Variants in TECTA observed in about 807,000 individuals in gnomAD.
The protein encoded by TECTA is tectorin alpha.
Under a neutral mutation model 216.8 loss-of-function variants are expected in TECTA, and 128 were observed. The ratio of observed to expected loss-of-function variants is 0.59; its 90% CI spans 0.51 to 0.68. The LOEUF (loss-of-function observed/expected upper bound fraction) is 0.68. Among genes scored for constraint, TECTA ranks in the 30% least tolerant of loss-of-function variants. The probability of loss-of-function intolerance (pLI) is 0.00; values close to 1 mark genes in which losing one functional copy is unlikely to be tolerated. For missense variants in TECTA, 2,551 were observed against 2,786.2 expected, an observed-to-expected ratio of 0.92 and a Z score of 1.90; for synonymous variants, 1,089 against 1,117.1, an observed-to-expected ratio of 0.97 and a Z score of 0.50.
intron 20 of TECTA, among the ~76,000 whole-genome samples, chr11:121,180,729 C>T (rs943680865): frequency 1.1e-4 from 16 of 151,068 alleles, no homozygotes; most frequent in African/African-American, 3.6e-4. Context: ...ATCTTTTGCC[C>T]TTCTGGAACT....
chr11:121,147,804 T>C (rs1337169142), intron 12 of TECTA, among the ~76,000 whole-genome samples: 1 of 152,052 alleles, frequency 6.6e-6, no homozygotes, highest in Non-Finnish European at 1.5e-5. Flanking sequence ...GCTCCCAGGG[T>C]GGCTGGGGTG....
Position 121,153,042 on chromosome 11 carries a change from C to T in TECTA, c.4267C>T (p.His1423Tyr). The change falls in exon 13 of 24, where the codon CAC becomes TAC. Residue 1423 changes from histidine (H) to tyrosine (Y), a missense_variant. This residue lies in a region of TECTA where 2,375 missense variants were observed against 2,563.9 expected (regional missense o/e 0.93). Transcript: ENST00000392793. ...CAACGGCAAGAGCTGCATCCTGCCC[C>T]ACAGCTGCGGCTGCTACTCCGATGG... ...VLNGKSCILP[H>Y]SCGCYSDGKY... The T allele has an allele frequency of 1.2e-6, 2 of 1,614,154 alleles. No homozygotes were observed. Among genetic ancestry groups the T allele is most frequent in the Non-Finnish European group, 1.7e-6 (2 of 1,180,030 alleles).
intron 22 of TECTA, 53 bp from the exon 23 acceptor site, chr11:121,189,711 C>A: frequency 6.6e-7 from 1 of 1,508,566 alleles, no homozygotes; most frequent in Non-Finnish European, 9.2e-7. Flanking sequence ...CCTTCAATAC[C>A]AGTGGAAGGG....
At chr11:121,182,976 G>A (rs1365758865) in intron 20 of TECTA, among the ~76,000 whole-genome samples, 1 of 152,198 alleles carries the variant, frequency 6.6e-6, no homozygotes, top group African/African-American at 2.4e-5. Flanking sequence ...AAGTGGCAGA[G>A]TTGCTGACAG....
At chr11:121,157,706 C>A in intron 13 of TECTA, 135 bp from the exon 14 acceptor site, 1 of 1,276,104 alleles carries the variant, frequency 7.8e-7, no homozygotes, top group Non-Finnish European at 1.1e-6. Context: ...CGTTTCCCCA[C>A]TGCTGCCTCC....
At chr11:121,150,981 A>G (rs1946884666) in intron 12 of TECTA, among the ~76,000 whole-genome samples, 1 of 152,200 alleles carries the variant, frequency 6.6e-6, no homozygotes, top group Admixed American at 6.5e-5. Context: ...TTATAATTTA[A>G]TAATAAAAAT....
At position 121,152,932 on chromosome 11, in the gene TECTA, A is replaced by C; in HGVS notation, c.4157A>C (p.Gln1386Pro). The C allele has an allele frequency of 6.2e-7, 1 of 1,612,138 alleles. No individual in the cohort carries two copies. Among genetic ancestry groups the C allele is most frequent in the Non-Finnish European group, 8.5e-7 (1 of 1,178,448 alleles). ...TACGAGAGCTGCGTGAGTGTCTGCC[A>C]GCCCCGCTGCGCCGCCATCCGCCTG... Reference protein sequence around the residue: ...SHYESCVSVCQPRCAAIRLKS... With the variant: ...SHYESCVSVCPPRCAAIRLKS... The change falls in exon 13 of 24, where the codon CAG becomes CCG. Residue 1386 changes from glutamine to proline, a missense_variant. By Grantham distance (76) the Gln-to-Pro change is moderately conservative (BLOSUM62 -1). This residue lies in a region of TECTA where 2,375 missense variants were observed against 2,563.9 expected (regional missense o/e 0.93). Coordinates refer to ENST00000392793, the MANE Select transcript of TECTA (RefSeq NM_005422.4).
At chr11:121,182,859 T>C (rs1947244066) in intron 20 of TECTA, among the ~76,000 whole-genome samples, 1 of 150,948 alleles carries the variant, frequency 6.6e-6, no homozygotes, top group African/African-American at 2.4e-5. Context: ...GCACCAGTGG[T>C]GGTGGGTGGG....
chr11:121,165,930 C>A (rs943036246), intron 17 of TECTA, among the ~76,000 whole-genome samples: 2 of 152,176 alleles, frequency 1.3e-5, no homozygotes, highest in African/African-American at 4.8e-5. Flanking sequence ...CCTTCCTGAA[C>A]CAAATAACGC....
intron 3 of TECTA, among the ~76,000 whole-genome samples, chr11:121,107,688 T>G (rs552182899): frequency 6.6e-6 from 1 of 152,318 alleles, no homozygotes; most frequent in East Asian, 1.9e-4. Context: ...GTTAAATCAG[T>G]TTATCTACCA....
Position 121,157,850 on chromosome 11 carries a change from C to T in TECTA, c.4315C>T (p.Leu1439=), listed in dbSNP as rs202199158. The part of the protein sequence containing the change: ...SDGKYYEPKQ[L]FWNSDCTRRC... ...GGCGCCTCTCTTCCAGCCCAAGCAGCTATTTTGGAACAGCGACTGCACGCG... is the reference window on the plus strand; with the variant it reads ...GGCGCCTCTCTTCCAGCCCAAGCAGTTATTTTGGAACAGCGACTGCACGCG... Residue 1439 remains leucine (L), a synonymous_variant, in exon 14 of 24, where the codon CTA becomes TTA. Coordinates refer to ENST00000392793, the MANE Select transcript of TECTA (RefSeq NM_005422.4). 1 of 1,614,148 alleles carries T rather than the reference C, an allele frequency of 6.2e-7. No individual in the cohort carries two copies.
chr11:121,187,682 C>A, intron 20 of TECTA, 150 bp from the exon 21 acceptor site: 2 of 763,626 alleles, frequency 2.6e-6, no homozygotes, highest in African/African-American at 1.7e-5. Context: ...ATGACAAGCC[C>A]ATGCAGTCCA....
chr11:121,140,040 C>T (rs1276997073), intron 11 of TECTA, among the ~76,000 whole-genome samples: 10 of 152,208 alleles, frequency 6.6e-5, no homozygotes, highest in Admixed American at 1.3e-4. Context: ...TTACTTATCT[C>T]CTTGACATTC....
chr11:121,137,297 T>C, intron 10 of TECTA, 124 bp from the exon 11 acceptor site: 1 of 1,286,532 alleles, frequency 7.8e-7, no homozygotes, highest in Non-Finnish European at 1.1e-6. Context: ...CACAAATGCA[T>C]GCATGCACAC....
intron 11 of TECTA, 54 bp downstream of exon 11, chr11:121,138,076 G>T: frequency 6.2e-7 from 1 of 1,610,040 alleles, no homozygotes; most frequent in Non-Finnish European, 8.5e-7. Context: ...GTCAGGATGG[G>T]GTCGGCAAGC....
intron 20 of TECTA, among the ~76,000 whole-genome samples, chr11:121,174,800 G>A (rs1268389271): frequency 6.6e-6 from 1 of 151,938 alleles, no homozygotes; most frequent in East Asian, 1.9e-4. Context: ...GGTAGAATTC[G>A]GCTGTGAATC....
At position 121,146,133 on chromosome 11, in the gene TECTA, G is replaced by C; in HGVS notation, c.4105+17G>C. 2 of 1,601,884 alleles carry C rather than the reference G, an allele frequency of 1.2e-6. No homozygotes were observed. The highest frequency in any genetic ancestry group is 1.7e-6 in the Non-Finnish European group (2 of 1,179,860). On this transcript the variant is annotated intron_variant, in intron 12 of 23. Coordinates refer to ENST00000392793, the MANE Select transcript of TECTA (RefSeq NM_005422.4). The stretch of plus-strand genomic sequence containing the variant: ...CGTCCTGCAGTGAGTCCTTCTCGTT[G>C]TCCCTCCTTGTAGCTTCTCCTCTTT...
chr11:121,142,329 C>A (rs954891385), intron 11 of TECTA, among the ~76,000 whole-genome samples: 6 of 152,282 alleles, frequency 3.9e-5, no homozygotes, highest in African/African-American at 1.4e-4. Flanking sequence ...TCTCTCTTTT[C>A]CTCTGACCTC....
chr11:121,105,166 T>C lies in TECTA; in HGVS notation c.65-665T>C, dbSNP rs1358467859. ...TGACCAGGAGGACCAATCAGAGCCCTGCAATTCATTCTCTCCAAAGAGTTC... is the reference window on the plus strand; with the variant it reads ...TGACCAGGAGGACCAATCAGAGCCCCGCAATTCATTCTCTCCAAAGAGTTC... On this transcript the variant is annotated intron_variant, in intron 2 of 23. Coordinates refer to ENST00000392793, the MANE Select transcript of TECTA (RefSeq NM_005422.4). This position sits in a 1 kb window ranked among gnomAD's most constrained non-coding sequence, Gnocchi z 5.3. Among the ~76,000 whole-genome samples the C allele has an allele frequency of 6.6e-6, 1 of 152,204 alleles. No individual in the cohort carries two copies. The highest frequency in any genetic ancestry group is 1.5e-5 in the Non-Finnish European group (1 of 68,032).
Sources: allele counts gnomAD v4.1 joint callset (sites outside exome capture counted in the v4.1 genomes callset), GRCh38; gene constraint gnomAD v4.1.1; regional missense constraint gnomAD v4.1.1; non-coding constraint Gnocchi (gnomAD v3.1); transcripts MANE v1.5; gene names NCBI Gene and HGNC (gene_info 2026-07-23, HGNC 2026-07-21).